The following IGF2BP3 variants were observed in gnomAD, a reference collection of about 807,000 sequenced individuals.
The protein encoded by IGF2BP3 is insulin like growth factor 2 mRNA binding protein 3, also known as insulin-like growth factor 2 mRNA-binding protein 3.
Under a neutral mutation model 73.8 loss-of-function variants are expected in IGF2BP3, and 9 were observed. That is an observed-to-expected ratio of 0.12 (90% CI 0.07 to 0.21). The LOEUF (loss-of-function observed/expected upper bound fraction) is 0.21, where lower values mean the gene tolerates loss of function less well. IGF2BP3 is among the 10% of genes least tolerant of loss of function. IGF2BP3 has a pLI of 1.00. For synonymous variants in IGF2BP3, 258 were observed against 256.7 expected (o/e 1.01, Z -0.05); for missense variants, 542 against 714.0 (o/e 0.76, Z 2.75).
At chr7:23,412,782 A>G (rs1172291850) in intron 3 of IGF2BP3, among the ~76,000 whole-genome samples, 1 of 141,948 alleles carries the variant, frequency 7.0e-6, no homozygotes, top group African/African-American at 2.6e-5. Context: ...TTGACTGGAG[A>G]GTAGTTTCAA....
At chr7:23,371,354 A>G (rs979738406) in intron 3 of IGF2BP3, among the ~76,000 whole-genome samples, 3 of 152,194 alleles carry the variant, frequency 2.0e-5, no homozygotes, top group Non-Finnish European at 4.4e-5. Flanking sequence ...AGTTTATACA[A>G]ACAGGAACTA....
chr7:23,455,462 G>T (rs1788293939), intron 2 of IGF2BP3, among the ~76,000 whole-genome samples: 1 of 152,162 alleles, frequency 6.6e-6, no homozygotes, highest in Non-Finnish European at 1.5e-5. Context: ...GTAACAACCA[G>T]GCTAAGCCTA....
At position 23,415,893 on chromosome 7, in the gene IGF2BP3, G is replaced by T. The variant is rs528538632; in HGVS notation, c.285+2883C>A. On this transcript the variant is annotated intron_variant, in intron 3 of 14. Transcript: ENST00000258729. ...GTGAAATACCGAGTATGTTATCTGTGCTCCTGCCTGGATCTCACTGAGACA... is the reference window on the plus strand; with the variant it reads ...GTGAAATACCGAGTATGTTATCTGTTCTCCTGCCTGGATCTCACTGAGACA... Among the ~76,000 whole-genome samples, 3 of 152,284 alleles carry T rather than the reference G, an allele frequency of 2.0e-5. No homozygotes were observed. The East Asian group carries it at 5.8e-4, about 29-fold the overall frequency.
intron 3 of IGF2BP3, among the ~76,000 whole-genome samples, chr7:23,370,219 T>C (rs185390276): frequency 6.6e-6 from 1 of 152,354 alleles, no homozygotes; most frequent in Admixed American, 6.5e-5. Flanking sequence ...TGTCACTTTA[T>C]AATCTCTTTC....
Position 23,469,682 on chromosome 7 carries a change from C to G in IGF2BP3, c.175+254G>C, listed in dbSNP as rs1302926831. Among the ~76,000 whole-genome samples the G allele has an allele frequency of 6.6e-6, 1 of 151,654 alleles. No homozygotes were observed. Among genetic ancestry groups the G allele is most frequent in the Non-Finnish European group, 1.5e-5 (1 of 67,802 alleles). On this transcript the variant is annotated intron_variant, in intron 1 of 14. Coordinates refer to ENST00000258729, the MANE Select transcript of IGF2BP3 (RefSeq NM_006547.3). The surrounding 1 kb of genome is among the most constrained non-coding windows in gnomAD (Gnocchi z 6.1). Reference sequence around the variant, plus strand: ...TCCCCCAGCCCCGCGCCCCCCTTAGCCAGCGCCGGGGCTTTCTTGACAGCG... The same window carrying G: ...TCCCCCAGCCCCGCGCCCCCCTTAGGCAGCGCCGGGGCTTTCTTGACAGCG...
intron 3 of IGF2BP3, chr7:23,396,599 G>T (rs907676718): frequency 6.6e-6 from 1 of 152,194 alleles, no homozygotes; most frequent in Non-Finnish European, 1.5e-5. Flanking sequence ...CAGGAGAGAT[G>T]TCTAATCCAA....
chr7:23,365,958 C>G (rs980889124), intron 3 of IGF2BP3: 4 of 152,074 alleles, frequency 2.6e-5, no homozygotes, highest in Admixed American at 1.3e-4. Context: ...TATAGTCAGT[C>G]AATGAGGATG....
intron 3 of IGF2BP3, among the ~76,000 whole-genome samples, chr7:23,375,212 T>C (rs980381873): frequency 1.3e-5 from 2 of 152,228 alleles, no homozygotes; most frequent in African/African-American, 4.8e-5. Context: ...TGCTTAAGTA[T>C]GACATTCCTT....
chr7:23,352,950 A>G (rs978284476), intron 5 of IGF2BP3, among the ~76,000 whole-genome samples: 1 of 151,850 alleles, frequency 6.6e-6, no homozygotes, highest in South Asian at 2.1e-4. Context: ...TTTTGTATTC[A>G]TTTTGTGTGT....
chr7:23,339,551 G>A (rs548586731), intron 10 of IGF2BP3, among the ~76,000 whole-genome samples: 5 of 152,326 alleles, frequency 3.3e-5, no homozygotes, highest in Non-Finnish European at 7.3e-5. Context: ...GTAAAAGACT[G>A]ATGTCCAAGA....
intron 10 of IGF2BP3, among the ~76,000 whole-genome samples, chr7:23,332,219 A>G (rs1007189906): frequency 6.6e-5 from 10 of 152,146 alleles, no homozygotes; most frequent in Non-Finnish European, 4.4e-5. Context: ...CTCTTCCTTT[A>G]TATCTTCAAT....
At chr7:23,426,042 A>C (rs779065896) in intron 2 of IGF2BP3, among the ~76,000 whole-genome samples, 10 of 152,024 alleles carry the variant, frequency 6.6e-5, no homozygotes, top group Non-Finnish European at 1.2e-4. Flanking sequence ...AATGACCAAA[A>C]TTGTCTGGGT....
At chr7:23,467,870 G>C (rs1391004717) in intron 2 of IGF2BP3, 1 of 153,712 alleles carries the variant, frequency 6.5e-6, no homozygotes, top group African/African-American at 2.4e-5. Context: ...AGGAGGAGTG[G>C]GGTGGAAAGC....
intron 3 of IGF2BP3, chr7:23,414,849 A>G (rs1030145512): frequency 1.2e-5 from 2 of 172,820 alleles, no homozygotes; most frequent in Non-Finnish European, 1.2e-5. Flanking sequence ...CGACATCAGC[A>G]GGCCCTGTCC....
At position 23,403,722 on chromosome 7, in the gene IGF2BP3, G is replaced by A. The variant is rs369008805; in HGVS notation, c.285+15054C>T. Among the ~76,000 whole-genome samples, 102 of 152,314 alleles carry A rather than the reference G, an allele frequency of 6.7e-4. 3 individuals are homozygous for A. The South Asian group carries it at 0.02, about 30-fold the overall frequency. The stretch of plus-strand genomic sequence containing the variant: ...AATGGTAGCTGCAAGACCTTGGCAA[G>A]TTTTTCCATTTCCCAATTACTTTGT... On this transcript the variant is annotated intron_variant, in intron 3 of 14. Coordinates refer to ENST00000258729, the MANE Select transcript of IGF2BP3 (RefSeq NM_006547.3).
intron 8 of IGF2BP3, among the ~76,000 whole-genome samples, chr7:23,345,639 G>A (rs274051): frequency 0.041 from 6,300 of 152,288 alleles, 212 homozygotes; most frequent in South Asian, 0.1. Flanking sequence ...TGCGTTACAC[G>A]ACAATGGATA....
chr7:23,446,526 C>T (rs531942556), intron 2 of IGF2BP3, among the ~76,000 whole-genome samples: 3 of 152,252 alleles, frequency 2.0e-5, no homozygotes, highest in South Asian at 4.1e-4. Flanking sequence ...CACTGCACTG[C>T]TGCCTGGGCG....
rs577357961 is a variant in IGF2BP3 at position 23,347,147 on chromosome 7, C to T, written c.818+453G>A. On this transcript the variant is annotated intron_variant, in intron 7 of 14. Transcript: ENST00000258729. ...GTTCCTGTGGAAGAAATAGAGTTCCCGCCTGCATTACCCAGATAAATCTCC... is the reference window on the plus strand; with the variant it reads ...GTTCCTGTGGAAGAAATAGAGTTCCTGCCTGCATTACCCAGATAAATCTCC... Among the ~76,000 whole-genome samples, 15 of 152,174 alleles carry T rather than the reference C, an allele frequency of 9.9e-5. No homozygotes were observed. The East Asian group carries it at 2.7e-3, about 28-fold the overall frequency.
At chr7:23,314,428 T>G (rs1783921843) in intron 12 of IGF2BP3, among the ~76,000 whole-genome samples, 2 of 151,726 alleles carry the variant, frequency 1.3e-5, no homozygotes, top group Non-Finnish European at 2.9e-5. Flanking sequence ...TCAAGTGATG[T>G]GCCCACCTCA....
Sources: allele counts gnomAD v4.1 joint callset (sites outside exome capture counted in the v4.1 genomes callset), GRCh38; gene constraint gnomAD v4.1.1; non-coding constraint Gnocchi (gnomAD v3.1); transcripts MANE v1.5; gene names NCBI Gene and HGNC (gene_info 2026-07-23, HGNC 2026-07-21).